The following OR7C2 variants were observed in gnomAD, a reference collection of about 807,000 sequenced individuals.
OR7C2 encodes olfactory receptor family 7 subfamily C member 2.
For missense variants in OR7C2, 374 were observed against 387.4 expected, an observed-to-expected ratio of 0.97 and a Z score of 0.29; for synonymous variants, 160 against 157.7, an observed-to-expected ratio of 1.01 and a Z score of -0.11.
chr19:14,942,194 G>C lies in OR7C2; in HGVS notation c.706G>C (p.Ala236Pro). The C allele has an allele frequency of 2.5e-6, 4 of 1,613,866 alleles. No individual in the cohort carries two copies. The highest frequency in any genetic ancestry group is 3.4e-6 in the Non-Finnish European group (4 of 1,179,986). Reference protein sequence around the residue: ...LRVSARGQHKAFSTCGSHLSV... With the variant: ...LRVSARGQHKPFSTCGSHLSV... ...AGTATCTGCCAGAGGCCAGCACAAAGCCTTTTCCACCTGTGGTTCCCACCT... is the reference window on the plus strand; with the variant it reads ...AGTATCTGCCAGAGGCCAGCACAAACCCTTTTCCACCTGTGGTTCCCACCT... The change falls in exon 1 of 1, where the codon GCC becomes CCC. Residue 236 changes from alanine (A) to proline (P), a missense_variant. Transcript: ENST00000248072.
Position 14,942,136 on chromosome 19 carries a change from C to A in OR7C2, c.648C>A (p.Phe216Leu), listed in dbSNP as rs1162578207. ...TTTTTCCTCTCTGTGGAATCCTATT[C>A]TCTTATTCTCAGATTTTCTCCTCCG... ...LGVFPLCGIL[F>L]SYSQIFSSVL... The change falls in exon 1 of 1, where the codon TTC (phenylalanine) becomes TTA (leucine). Residue 216 changes from phenylalanine (F) to leucine (L), a missense_variant. Physicochemically the swap from Phe to Leu is conservative, Grantham distance 22 (BLOSUM62 0). Transcript: ENST00000248072. 2 of 1,606,620 alleles carry A rather than the reference C, an allele frequency of 1.2e-6. No individual in the cohort carries two copies. Among genetic ancestry groups the A allele is most frequent in the East Asian group, 2.2e-5 (1 of 44,562 alleles).
chr19:14,941,532 T>G lies in OR7C2; in HGVS notation c.44T>G (p.Leu15Arg). The change falls in exon 1 of 1, where the codon CTG becomes CGG. Residue 15 changes from leucine (L) to arginine (R), a missense_variant. Leu to Arg is a moderately radical substitution (Grantham distance 102). Transcript: ENST00000248072. ...NQTEVGNFLL[L>R]GFAEDSDMQL... Reference sequence around the variant, plus strand: ...ACAGAAGTTGGAAACTTTCTCCTCCTGGGATTCGCAGAGGACTCTGACATG... The same window carrying G: ...ACAGAAGTTGGAAACTTTCTCCTCCGGGGATTCGCAGAGGACTCTGACATG... 6.3e-7 allele frequency: 1 copy of G among 1,595,300 alleles called. No individual in the cohort carries two copies.
Position 14,942,156 on chromosome 19 carries a change from C to T in OR7C2, c.668C>T (p.Ser223Phe), listed in dbSNP as rs1193129704. Residue 223 changes from serine (S) to phenylalanine (F), a missense_variant, in exon 1 of 1, where the codon TCC becomes TTC. By Grantham distance (155) the Ser-to-Phe change is radical. Transcript: ENST00000248072. Reference sequence around the variant, plus strand: ...CTATTCTCTTATTCTCAGATTTTCTCCTCCGTCCTAAGAGTATCTGCCAGA... The same window carrying T: ...CTATTCTCTTATTCTCAGATTTTCTTCTCCGTCCTAAGAGTATCTGCCAGA... ...GILFSYSQIF[S>F]SVLRVSARGQ... is the part of the protein sequence containing the mutation. 8 of 1,504,720 alleles carry T rather than the reference C, an allele frequency of 5.3e-6. No homozygotes were observed. The Admixed American group carries it at 1.2e-4, about 23-fold the overall frequency. 93.2% of individuals were successfully genotyped at this position (1,504,720 alleles called of 1,614,324 possible).
rs371582125 is a variant in OR7C2 at position 14,941,629 on chromosome 19, G to C, written c.141G>C (p.Leu47=). The change falls in exon 1 of 1, where the codon CTG becomes CTC. Residue 47 remains leucine (L), a synonymous_variant. Transcript: ENST00000248072. The part of the protein sequence containing the change: ...VTIIGNLLII[L]TISSDSHLHT... ...TCATCGGAAACCTGCTCATCATCCT[G>C]ACCATCAGTTCAGACTCCCACCTCC... 16 of 1,613,840 alleles carry C rather than the reference G, an allele frequency of 9.9e-6. No individual in the cohort carries two copies. The highest frequency in any genetic ancestry group is 1.3e-5 in the Non-Finnish European group (15 of 1,180,014).
At position 14,942,408 on chromosome 19, in the gene OR7C2, C is replaced by A. The variant is rs1241346183; in HGVS notation, c.920C>A (p.Ala307Glu). 3 of 1,613,684 alleles carry A rather than the reference C, an allele frequency of 1.9e-6. No individual in the cohort carries two copies. Among genetic ancestry groups the A allele is most frequent in the Admixed American group, 1.7e-5 (1 of 59,966 alleles). Residue 307 changes from alanine to glutamate, a missense_variant, in exon 1 of 1, where the codon GCA (alanine) becomes GAA (glutamate). Transcript: ENST00000248072. ...TCACTGGGGAGACTCCTCCTCAGGG[C>A]AACGTCTCTCAAAGAGGGGACCATT... ...KGSLGRLLLR[A>E]TSLKEGTIAK...
rs771229324 is a variant in OR7C2, at chr19:14,941,679, C to T, written c.191C>T (p.Ser64Phe). ...HLHTPMYFFL[S>F]NLSFADICFT... ...CACACCCCCATGTACTTCTTCCTCT[C>T]CAACCTGTCCTTTGCTGACATCTGT... is the stretch of plus-strand genomic sequence containing the variant. The change falls in exon 1 of 1, where the codon TCC (serine) becomes TTC (phenylalanine). Residue 64 changes from serine (S) to phenylalanine (F), a missense_variant. Ser to Phe is a radical substitution (Grantham distance 155). Coordinates refer to ENST00000248072, the MANE Select transcript of OR7C2 (RefSeq NM_012377.1). 6.2e-7 allele frequency: 1 copy of T among 1,614,174 alleles called. No homozygotes were observed. The highest frequency in any genetic ancestry group is 2.2e-5 in the East Asian group (1 of 44,882).
At position 14,941,640 on chromosome 19, in the gene OR7C2, C is replaced by A. The variant is rs567659431; in HGVS notation, c.152C>A (p.Ser51Ter). 6.2e-7 allele frequency: 1 copy of A among 1,614,134 alleles called. No individual in the cohort carries two copies. Among genetic ancestry groups the A allele is most frequent in the Non-Finnish European group, 8.5e-7 (1 of 1,180,026 alleles). Residue 51 changes from serine (S) to a stop codon, truncating the protein, a stop_gained, in exon 1 of 1, where the codon TCA becomes TAA. Transcript: ENST00000248072. LOFTEE classifies it low-confidence loss of function (END_TRUNC). ...GNLLIILTISSDSHLHTPMYF... is the reference protein window; with the variant it reads ...GNLLIILTIS ...CTGCTCATCATCCTGACCATCAGTTCAGACTCCCACCTCCACACCCCCATG... is the reference window on the plus strand; with the variant it reads ...CTGCTCATCATCCTGACCATCAGTTAAGACTCCCACCTCCACACCCCCATG...
In OR7C2 at chr19:14,941,763, T is replaced by G; in HGVS notation, c.275T>G (p.Ile92Ser). The G allele has an allele frequency of 6.2e-7, 1 of 1,614,172 alleles. No homozygotes were observed. The highest frequency in any genetic ancestry group is 8.5e-7 in the Non-Finnish European group (1 of 1,180,030). The change falls in exon 1 of 1, where the codon ATC becomes AGC. Residue 92 changes from isoleucine (I) to serine (S), a missense_variant. By Grantham distance (142) the Ile-to-Ser change is moderately radical. Coordinates refer to ENST00000248072, the MANE Select transcript of OR7C2 (RefSeq NM_012377.1). ...AATATCCAAACACAAAGCAAAATGA[T>G]CACTTTTGCAGGCTGCCTCACTCAG... ...LVNIQTQSKM[I>S]TFAGCLTQIF...
In OR7C2 at chr19:14,942,305, G is replaced by A; in HGVS notation, c.817G>A (p.Ala273Thr). ...ACCACCTTCTAGGACAAGTCTGGCAGCCTCGGTGATGTACACCATGGTCAC... is the reference window on the plus strand; with the variant it reads ...ACCACCTTCTAGGACAAGTCTGGCAACCTCGGTGATGTACACCATGGTCAC... ...VTPPSRTSLA[A>T]SVMYTMVTPM... Residue 273 changes from alanine to threonine, a missense_variant, in exon 1 of 1, where the codon GCC becomes ACC. By Grantham distance (58) the Ala-to-Thr change is moderately conservative (BLOSUM62 0). Coordinates refer to ENST00000248072, the MANE Select transcript of OR7C2 (RefSeq NM_012377.1). 1 of 1,614,146 alleles carries A rather than the reference G, an allele frequency of 6.2e-7. No individual in the cohort carries two copies. The highest frequency in any genetic ancestry group is 1.3e-5 in the African/African-American group (1 of 75,032).
chr19:14,942,160 C>T lies in OR7C2; in HGVS notation c.672C>T (p.Ser224=), dbSNP rs765439544. The change falls in exon 1 of 1, where the codon TCC becomes TCT. Residue 224 remains serine, a synonymous_variant. Coordinates refer to ENST00000248072, the MANE Select transcript of OR7C2 (RefSeq NM_012377.1). ...ILFSYSQIFS[S]VLRVSARGQH... ...TCTCTTATTCTCAGATTTTCTCCTC[C>T]GTCCTAAGAGTATCTGCCAGAGGCC... 50 of 1,478,064 alleles carry T rather than the reference C, an allele frequency of 3.4e-5. No individual in the cohort carries two copies. Among genetic ancestry groups the T allele is most frequent in the Middle Eastern group, 1.7e-4 (1 of 5,814 alleles). 91.6% of individuals were successfully genotyped at this position (1,478,064 alleles called of 1,614,324 possible). A position where few individuals can be genotyped will look rare whatever the true frequency, so the allele number is the denominator to read the frequency against.
chr19:14,941,498 G>A lies in OR7C2; in HGVS notation c.10G>A (p.Gly4Arg), dbSNP rs772485541. 2 of 1,563,490 alleles carry A rather than the reference G, an allele frequency of 1.3e-6. No individual in the cohort carries two copies. The highest frequency in any genetic ancestry group is 2.3e-5 in the East Asian group (1 of 44,324). The change falls in exon 1 of 1, where the codon GGA becomes AGA. Residue 4 changes from glycine (G) to arginine (R), a missense_variant. By Grantham distance (125) the Gly-to-Arg change is moderately radical (BLOSUM62 -2). Coordinates refer to ENST00000248072, the MANE Select transcript of OR7C2 (RefSeq NM_012377.1). ...CAAACCCAGCGGCCCCATGGAAAGAGGAAACCAAACAGAAGTTGGAAACTT... is the reference window on the plus strand; with the variant it reads ...CAAACCCAGCGGCCCCATGGAAAGAAGAAACCAAACAGAAGTTGGAAACTT... MERGNQTEVGNFLL... is the reference protein window; with the variant it reads MERRNQTEVGNFLL...
rs754708356 is a variant in OR7C2, at chr19:14,941,696, G to GA, written c.209dup (p.Asp70GlufsTer52). 1.2e-5 allele frequency: 20 copies of GA among 1,613,984 alleles called. No individual in the cohort carries two copies. The highest frequency in any genetic ancestry group is 1.5e-5 in the Non-Finnish European group (18 of 1,180,044). On this transcript the variant is annotated frameshift_variant, in exon 1 of 1. Coordinates refer to ENST00000248072, the MANE Select transcript of OR7C2 (RefSeq NM_012377.1). LOFTEE classifies it low-confidence loss of function (END_TRUNC). ...CTTCCTCTCCAACCTGTCCTTTGCT[G>GA]ACATCTGTTTCACATCCACGACTGT...
In OR7C2 at chr19:14,942,311, G is replaced by A. The variant is rs1279745521; in HGVS notation, c.823G>A (p.Val275Met). 1.9e-6 allele frequency: 3 copies of A among 1,614,126 alleles called. No individual in the cohort carries two copies. Among genetic ancestry groups the A allele is most frequent in the South Asian group, 1.1e-5 (1 of 91,074 alleles). ...PPSRTSLAASVMYTMVTPMLN... is the reference protein window; with the variant it reads ...PPSRTSLAASMMYTMVTPMLN... ...TTCTAGGACAAGTCTGGCAGCCTCG[G>A]TGATGTACACCATGGTCACCCCCAT... The change falls in exon 1 of 1, where the codon GTG becomes ATG. Residue 275 changes from valine (V) to methionine (M), a missense_variant. Val to Met is a conservative substitution (Grantham distance 21, BLOSUM62 1). Transcript: ENST00000248072.
rs1335027533 is a variant in OR7C2 at position 14,942,103 on chromosome 19, C to A, written c.615C>A (p.Val205=). The change falls in exon 1 of 1, where the codon GTC becomes GTA. Residue 205 remains valine, a synonymous_variant. Coordinates refer to ENST00000248072, the MANE Select transcript of OR7C2 (RefSeq NM_012377.1). ...TCGTGATGTATTTTGTGACCATTGT[C>A]CTGGGTGTTTTTCCTCTCTGTGGAA... ...NNIVMYFVTI[V]LGVFPLCGIL... 6.2e-7 allele frequency: 1 copy of A among 1,614,114 alleles called. No homozygotes were observed. The highest frequency in any genetic ancestry group is 8.5e-7 in the Non-Finnish European group (1 of 1,180,026).
chr19:14,941,659 C>A lies in OR7C2; in HGVS notation c.171C>A (p.Thr57=). 1.2e-6 allele frequency: 2 copies of A among 1,614,132 alleles called. No individual in the cohort carries two copies. Among genetic ancestry groups the A allele is most frequent in the South Asian group, 1.1e-5 (1 of 91,072 alleles). ...LTISSDSHLH[T]PMYFFLSNLS... is the part of the protein sequence containing the mutation. ...TCAGTTCAGACTCCCACCTCCACAC[C>A]CCCATGTACTTCTTCCTCTCCAACC... Residue 57 remains threonine (T), a synonymous_variant, in exon 1 of 1, where the codon ACC becomes ACA. Transcript: ENST00000248072.
rs759659383 is a variant in OR7C2 at position 14,942,154 on chromosome 19, C to A, written c.666C>A (p.Phe222Leu). The change falls in exon 1 of 1, where the codon TTC becomes TTA. Residue 222 changes from phenylalanine to leucine, a missense_variant. Physicochemically the swap from Phe to Leu is conservative, Grantham distance 22 (BLOSUM62 0). Coordinates refer to ENST00000248072, the MANE Select transcript of OR7C2 (RefSeq NM_012377.1). ...TCCTATTCTCTTATTCTCAGATTTT[C>A]TCCTCCGTCCTAAGAGTATCTGCCA... ...CGILFSYSQI[F>L]SSVLRVSARG... 1 of 1,504,550 alleles carries A rather than the reference C, an allele frequency of 6.6e-7. No individual in the cohort carries two copies. 93.2% of individuals were successfully genotyped at this position (1,504,550 alleles called of 1,614,324 possible).
Position 14,941,638 on chromosome 19 carries a change from T to G in OR7C2, c.150T>G (p.Ser50Arg), listed in dbSNP as rs1217758734. The G allele has an allele frequency of 1.2e-6, 2 of 1,614,068 alleles. No individual in the cohort carries two copies. Among genetic ancestry groups the G allele is most frequent in the Non-Finnish European group, 1.7e-6 (2 of 1,180,006 alleles). ...IGNLLIILTISSDSHLHTPMY... is the reference protein window; with the variant it reads ...IGNLLIILTIRSDSHLHTPMY... ...ACCTGCTCATCATCCTGACCATCAG[T>G]TCAGACTCCCACCTCCACACCCCCA... The change falls in exon 1 of 1, where the codon AGT becomes AGG. Residue 50 changes from serine (S) to arginine (R), a missense_variant. Transcript: ENST00000248072.
chr19:14,942,001 T>C lies in OR7C2; in HGVS notation c.513T>C (p.Asn171=), dbSNP rs778423245. Residue 171 remains asparagine (N), a synonymous_variant, in exon 1 of 1, where the codon AAT becomes AAC. Transcript: ENST00000248072. ...LTILRLSFCT[N]MEIPHFFCDP... ...TTTTGAGGCTGTCCTTCTGCACAAATATGGAAATTCCGCACTTTTTTTGTG... is the reference window on the plus strand; with the variant it reads ...TTTTGAGGCTGTCCTTCTGCACAAACATGGAAATTCCGCACTTTTTTTGTG... 8.7e-6 allele frequency: 14 copies of C among 1,614,142 alleles called. No homozygotes were observed. Among genetic ancestry groups the C allele is most frequent in the Admixed American group, 1.7e-5 (1 of 60,002 alleles).
In OR7C2 at chr19:14,941,734, G is replaced by A; in HGVS notation, c.246G>A (p.Leu82=). ...CFTSTTVPKM[L]VNIQTQSKMI... ...CATCCACGACTGTCCCAAAGATGCT[G>A]GTGAATATCCAAACACAAAGCAAAA... The change falls in exon 1 of 1, where the codon CTG becomes CTA. Residue 82 remains leucine, a synonymous_variant. Transcript: ENST00000248072. The A allele has an allele frequency of 6.2e-7, 1 of 1,614,134 alleles. No individual in the cohort carries two copies. The highest frequency in any genetic ancestry group is 8.5e-7 in the Non-Finnish European group (1 of 1,180,032).
Sources: allele counts gnomAD v4.1 joint callset, GRCh38; gene constraint gnomAD v4.1.1; transcripts MANE v1.5; gene names NCBI Gene and HGNC (gene_info 2026-07-23, HGNC 2026-07-21).